Variants in SLC35F1 observed in about 807,000 individuals in gnomAD.
SLC35F1 encodes the protein solute carrier family 35 member F1, also known as chromosome 6 open reading frame 169.
A neutral mutation model predicts 48.7 loss-of-function variants in SLC35F1; 14 were observed. The ratio of observed to expected loss-of-function variants is 0.29; its 90% CI spans 0.19 to 0.45. The LOEUF is 0.45. Among genes scored for constraint, SLC35F1 ranks in the 20% least tolerant of loss-of-function variants. The pLI, the probability that SLC35F1 is intolerant of heterozygous loss-of-function variation, is 1.00. For missense variants in SLC35F1, 404 were observed against 500.0 expected, an observed-to-expected ratio of 0.81 and a Z score of 1.83; for synonymous variants, 190 against 202.2, an observed-to-expected ratio of 0.94 and a Z score of 0.51.
intron 7 of SLC35F1, among the ~76,000 whole-genome samples, chr6:118,287,214 C>T (rs145016345): frequency 4.6e-5 from 7 of 152,304 alleles, no homozygotes; most frequent in Non-Finnish European, 1.0e-4. Context: ...CCTCCTCACA[C>T]ACCCAGTCAT....
chr6:118,114,216 C>T (rs1212713356), intron 1 of SLC35F1, among the ~76,000 whole-genome samples: 1 of 152,116 alleles, frequency 6.6e-6, no homozygotes, highest in Non-Finnish European at 1.5e-5. Flanking sequence ...ACTCCAGAGC[C>T]CAAACACTTA....
At chr6:118,271,054 T>C (rs553423630) in intron 4 of SLC35F1, among the ~76,000 whole-genome samples, 1 of 152,208 alleles carries the variant, frequency 6.6e-6, no homozygotes, top group African/African-American at 2.4e-5. Flanking sequence ...CTTTTACATT[T>C]ATTTCAAGGA....
At chr6:118,007,110 G>T (rs927399632) in intron 1 of SLC35F1, among the ~76,000 whole-genome samples, 1 of 151,828 alleles carries the variant, frequency 6.6e-6, no homozygotes, top group African/African-American at 2.4e-5. Context: ...GTAAAGAAAA[G>T]GAATTTATCT....
At chr6:118,112,369 A>T (rs1467233493) in intron 1 of SLC35F1, among the ~76,000 whole-genome samples, 1 of 152,188 alleles carries the variant, frequency 6.6e-6, no homozygotes, top group Non-Finnish European at 1.5e-5. Flanking sequence ...CCCTTGTAGC[A>T]GAGTACATCT....
intron 1 of SLC35F1, among the ~76,000 whole-genome samples, chr6:118,147,775 T>C (rs1773997329): frequency 6.6e-6 from 1 of 152,164 alleles, no homozygotes; most frequent in African/African-American, 2.4e-5. Context: ...TAAAACATTA[T>C]GTTTAAAGCA....
intron 1 of SLC35F1, among the ~76,000 whole-genome samples, chr6:118,032,430 A>C (rs894695557): frequency 5.3e-5 from 8 of 152,206 alleles, no homozygotes; most frequent in African/African-American, 1.4e-4. Context: ...TAGACACATG[A>C]GGTTGAATAA....
intron 3 of SLC35F1, among the ~76,000 whole-genome samples, chr6:118,265,535 G>A (rs2114618685): frequency 6.6e-6 from 1 of 152,280 alleles, no homozygotes; most frequent in African/African-American, 2.4e-5. Context: ...AAAGGAGGAG[G>A]AAGTTCAAGC....
chr6:118,286,563 A>T (rs1479704577), intron 7 of SLC35F1, among the ~76,000 whole-genome samples: 2 of 152,200 alleles, frequency 1.3e-5, no homozygotes, highest in East Asian at 3.9e-4. Flanking sequence ...GATCTGAGAG[A>T]TGGTACAAGT....
Position 117,933,589 on chromosome 6 carries a change from GA to G in SLC35F1, c.173+25699del, listed in dbSNP as rs199732829. 8.5e-4 allele frequency among the ~76,000 whole-genome samples: 128 copies of G among 150,606 alleles called. 6 individuals carry two copies. The South Asian group carries it at 0.026, about 31-fold the overall frequency. Reference sequence around the variant, plus strand: ...GCACCTTGGTTTATGAGAAATTTTAGAAAAAAAAAGGATGTTTTCCTCTCTT... The same window carrying G: ...GCACCTTGGTTTATGAGAAATTTTAGAAAAAAAAGGATGTTTTCCTCTCTT... On this transcript the variant is annotated intron_variant, in intron 1 of 7. Transcript: ENST00000360388.
intron 4 of SLC35F1, among the ~76,000 whole-genome samples, chr6:118,274,678 G>A (rs576857710): frequency 2.9e-4 from 44 of 152,316 alleles, no homozygotes; most frequent in Admixed American, 4.6e-4. Context: ...GATTACAGGC[G>A]TGTGCCACCA....
chr6:117,946,052 C>T (rs1248860201), intron 1 of SLC35F1, among the ~76,000 whole-genome samples: 1 of 152,162 alleles, frequency 6.6e-6, no homozygotes, highest in Admixed American at 6.5e-5. Context: ...TCTTTGTGCT[C>T]CATTTTCCTG....
intron 1 of SLC35F1, among the ~76,000 whole-genome samples, chr6:118,014,597 T>A (rs1777294827): frequency 6.6e-6 from 1 of 152,190 alleles, no homozygotes; most frequent in African/African-American, 2.4e-5. Context: ...GTTGGTGTGG[T>A]CATGACAGGA....
intron 4 of SLC35F1, among the ~76,000 whole-genome samples, chr6:118,268,348 T>C (rs1775803768): frequency 6.6e-6 from 1 of 151,908 alleles, no homozygotes; most frequent in Non-Finnish European, 1.5e-5. Context: ...ATCCACACCA[T>C]CTACACAACA....
intron 1 of SLC35F1, among the ~76,000 whole-genome samples, chr6:117,982,414 A>G (rs1199600492): frequency 1.3e-5 from 2 of 152,232 alleles, no homozygotes; most frequent in African/African-American, 4.8e-5. Flanking sequence ...AAAAACTATG[A>G]TTTTAGAGAA....
intron 2 of SLC35F1, among the ~76,000 whole-genome samples, chr6:118,173,635 C>T (rs1774443197): frequency 6.6e-6 from 1 of 152,120 alleles, no homozygotes; most frequent in South Asian, 2.1e-4. Context: ...GGCAGTCATC[C>T]TTTGCAGACG....
intron 7 of SLC35F1, among the ~76,000 whole-genome samples, chr6:118,308,751 A>C (rs1776340265): frequency 6.6e-6 from 1 of 152,238 alleles, no homozygotes; most frequent in Admixed American, 6.5e-5. Flanking sequence ...ATCAGAAGTC[A>C]TGTCTAATAA....
intron 2 of SLC35F1, among the ~76,000 whole-genome samples, chr6:118,225,731 C>G (rs1052774528): frequency 2.0e-5 from 3 of 151,514 alleles, no homozygotes; most frequent in African/African-American, 7.3e-5. Context: ...AAAAATTTAG[C>G]TGGGTGTAGT....
chr6:118,006,838 T>G (rs1777179922), intron 1 of SLC35F1, among the ~76,000 whole-genome samples: 2 of 152,108 alleles, frequency 1.3e-5, no homozygotes, highest in African/African-American at 2.4e-5. Flanking sequence ...GAGTAGTTCT[T>G]TAACCACTTG....
At chr6:118,120,221 G>A (rs984717817) in intron 1 of SLC35F1, among the ~76,000 whole-genome samples, 2 of 152,130 alleles carry the variant, frequency 1.3e-5, no homozygotes, top group Admixed American at 1.3e-4. Flanking sequence ...ACTACAAAGA[G>A]AGTTAGCTGA....
Sources: gnomAD v4.1 joint callset for allele counts (sites outside exome capture counted in the v4.1 genomes callset) on GRCh38, gnomAD v4.1.1 for gene constraint, MANE v1.5 for transcripts, NCBI Gene and HGNC (gene_info 2026-07-23, HGNC 2026-07-21) for gene names.